BLK: variants seen among roughly 807,000 people sequenced by gnomAD.
BLK encodes the protein tyrosine-protein kinase Blk.
BLK carries 64 observed loss-of-function variants against 61.8 expected under a neutral mutation model. The ratio of observed to expected loss-of-function variants is 1.03; its 90% confidence interval spans 0.85 to 1.27. The LOEUF (loss-of-function observed/expected upper bound fraction) is 1.27, where lower values mean the gene tolerates loss of function less well. BLK is among the 50% of genes most tolerant of loss of function. BLK has a pLI of 0.00. For missense variants in BLK, 853 were observed against 660.5 expected, an observed-to-expected ratio of 1.29 and a Z score of -3.19; for synonymous variants, 351 against 272.0, an observed-to-expected ratio of 1.29 and a Z score of -2.86.
intron 1 of BLK, among the ~76,000 whole-genome samples, chr8:11,512,503 T>C (rs1799054395): frequency 6.6e-6 from 1 of 152,244 alleles, no homozygotes; most frequent in Admixed American, 6.5e-5. Context: ...GATTTTTACA[T>C]GGGACTTCAT....
chr8:11,530,809 G>A (rs998545348), intron 1 of BLK, among the ~76,000 whole-genome samples: 1 of 152,200 alleles, frequency 6.6e-6, no homozygotes. Flanking sequence ...TAATTAATAT[G>A]AGTAACAATG....
intron 2 of BLK, 46 bp downstream of exon 2, chr8:11,543,393 C>G (rs767910646): frequency 2.5e-6 from 4 of 1,607,630 alleles, no homozygotes; most frequent in Non-Finnish European, 3.4e-6. Context: ...CTTACTTCTC[C>G]TATGCCTTAA....
intron 1 of BLK, among the ~76,000 whole-genome samples, chr8:11,519,148 C>A (rs761443953): frequency 1.1e-4 from 16 of 152,306 alleles, no homozygotes; most frequent in Non-Finnish European, 1.9e-4. Flanking sequence ...CAGCTGTGGC[C>A]TCCAGCATGT....
At chr8:11,503,731 T>C in intron 1 of BLK, among the ~76,000 whole-genome samples, 1 of 152,114 alleles carries the variant, frequency 6.6e-6, no homozygotes, top group East Asian at 1.9e-4. Flanking sequence ...TATGTGCAGG[T>C]GTGGAGGATG....
intron 1 of BLK, among the ~76,000 whole-genome samples, chr8:11,528,624 C>T (rs568449266): frequency 1.3e-5 from 2 of 152,278 alleles, no homozygotes; most frequent in South Asian, 4.1e-4. Context: ...GAGGGGTTGA[C>T]CCCAGGGTAA....
intron 1 of BLK, among the ~76,000 whole-genome samples, chr8:11,515,834 G>T (rs1215281994): frequency 6.6e-6 from 1 of 152,200 alleles, no homozygotes; most frequent in Non-Finnish European, 1.5e-5. Context: ...ACAGGGAATT[G>T]CTTTAGTTGT....
intron 1 of BLK, among the ~76,000 whole-genome samples, chr8:11,496,267 T>C (rs894235935): frequency 1.3e-5 from 2 of 152,210 alleles, no homozygotes; most frequent in African/African-American, 2.4e-5. Flanking sequence ...AGATGGGGTC[T>C]TGCTCTGTTG....
At chr8:11,498,495 ACTT>A (rs1798438357) in intron 1 of BLK, among the ~76,000 whole-genome samples, 1 of 152,218 alleles carries the variant, frequency 6.6e-6, no homozygotes, top group African/African-American at 2.4e-5. Context: ...TAGGAAGACT[ACTT>A]TAATTTTCTC....
chr8:11,544,629 C>G (rs1800539649), intron 2 of BLK, among the ~76,000 whole-genome samples: 4 of 152,084 alleles, frequency 2.6e-5, no homozygotes, highest in Non-Finnish European at 5.9e-5. Context: ...ATTTTTTTCA[C>G]TTAAAAGAGT....
At chr8:11,523,969 T>C (rs1799552025) in intron 1 of BLK, among the ~76,000 whole-genome samples, 1 of 152,194 alleles carries the variant, frequency 6.6e-6, no homozygotes, top group South Asian at 2.1e-4. Context: ...TCAAGATCTT[T>C]AAAAATGTGC....
intron 1 of BLK, among the ~76,000 whole-genome samples, chr8:11,523,954 A>G (rs1799551783): frequency 6.6e-6 from 1 of 152,116 alleles, no homozygotes. Flanking sequence ...ATTTAGCTTC[A>G]TAGATCAAGA....
intron 1 of BLK, among the ~76,000 whole-genome samples, chr8:11,534,452 T>C (rs1023622847): frequency 6.6e-6 from 1 of 152,138 alleles, no homozygotes; most frequent in South Asian, 2.1e-4. Context: ...GTCCCCAGAA[T>C]TACCTAATGA....
intron 1 of BLK, among the ~76,000 whole-genome samples, chr8:11,528,115 C>T (rs141842501): frequency 6.6e-6 from 1 of 152,152 alleles, no homozygotes; most frequent in South Asian, 2.1e-4. Flanking sequence ...CAGCTCACTG[C>T]AATCTCTGCC....
chr8:11,537,291 G>C (rs567471938), intron 1 of BLK, among the ~76,000 whole-genome samples: 6 of 152,260 alleles, frequency 3.9e-5, no homozygotes, highest in Admixed American at 6.5e-5. Context: ...TCTGGATGTT[G>C]GTGAGATGCT....
chr8:11,555,361 A>G lies in BLK; in HGVS notation c.649A>G (p.Thr217Ala). 6.2e-7 allele frequency: 1 copy of G among 1,614,012 alleles called. No individual in the cohort carries two copies. Among genetic ancestry groups the G allele is most frequent in the Non-Finnish European group, 8.5e-7 (1 of 1,179,992 alleles). ...KKGDGLCQRL[T>A]LPCVRPAPQN... ...GGGGGATGGTCTATGCCAGAGGCTGACCCTGCCCTGTGTGCGCCCGGCCCC... is the reference window on the plus strand; with the variant it reads ...GGGGGATGGTCTATGCCAGAGGCTGGCCCTGCCCTGTGTGCGCCCGGCCCC... Residue 217 changes from threonine to alanine, a missense_variant, in exon 8 of 13, where the codon ACC (threonine) becomes GCC (alanine). By Grantham distance (58) the Thr-to-Ala change is moderately conservative (BLOSUM62 0). Transcript: ENST00000259089.
chr8:11,559,493 ACACAAACT>A (rs777902565), intron 10 of BLK, among the ~76,000 whole-genome samples: 15 of 140,778 alleles, frequency 1.1e-4, no homozygotes, highest in South Asian at 6.7e-4. Context: ...AAACACATTT[ACACAAACT>A]CACAAACTCA....
intron 1 of BLK, among the ~76,000 whole-genome samples, chr8:11,542,722 A>G (rs907534892): frequency 6.6e-6 from 1 of 152,210 alleles, no homozygotes; most frequent in Admixed American, 6.5e-5. Context: ...CTAAATGTAT[A>G]TAGTGTCTCA....
chr8:11,552,641 C>T (rs537890862), intron 6 of BLK: 5 of 152,336 alleles, frequency 3.3e-5, no homozygotes, highest in African/African-American at 1.2e-4. Flanking sequence ...CCGCTCCACC[C>T]CTGTTCTTTC....
At chr8:11,550,354 T>A in intron 6 of BLK, 92 bp downstream of exon 6, 1 of 1,245,756 alleles carries the variant, frequency 8.0e-7, no homozygotes, top group Non-Finnish European at 1.2e-6. Flanking sequence ...GGGGAAGGGG[T>A]GACTGCCAGG....
Sources: allele counts gnomAD v4.1 joint callset (sites outside exome capture counted in the v4.1 genomes callset), GRCh38; gene constraint gnomAD v4.1.1; transcripts MANE v1.5; gene names NCBI Gene and HGNC (gene_info 2026-07-23, HGNC 2026-07-21).